Variants in RIN2 observed in about 807,000 individuals in gnomAD.
The protein encoded by RIN2 is Ras and Rab interactor 2, also known as RAB5 interacting protein 2.
A neutral mutation model predicts 78.0 loss-of-function variants in RIN2; 36 were observed. The observed-to-expected ratio is 0.46, with a 90% CI of 0.35 to 0.61. The LOEUF (loss-of-function observed/expected upper bound fraction) is 0.61, where lower values mean the gene tolerates loss of function less well. Ranked by LOEUF, RIN2 falls within the 20% of genes least tolerant of loss-of-function variation. RIN2 has a pLI of 0.00. For synonymous variants in RIN2, 466 were observed against 466.8 expected (o/e 1.00, Z 0.02); for missense variants, 1,087 against 1,159.7 (o/e 0.94, Z 0.91).
chr20:19,953,194 A>G (rs994861466), intron 4 of RIN2, among the ~76,000 whole-genome samples: 1 of 152,144 alleles, frequency 6.6e-6, no homozygotes, highest in African/African-American at 2.4e-5. Flanking sequence ...GCTACAGTAC[A>G]GTGGAAGGAT....
intron 2 of RIN2, among the ~76,000 whole-genome samples, chr20:19,868,388 C>T (rs1233381684): frequency 2.0e-5 from 3 of 152,204 alleles, no homozygotes; most frequent in Non-Finnish European, 4.4e-5. Context: ...CAGTAAAATA[C>T]CCAAAGGAAT....
intron 2 of RIN2, among the ~76,000 whole-genome samples, chr20:19,861,577 A>T (rs1600645101): frequency 6.6e-6 from 1 of 151,014 alleles, no homozygotes; most frequent in African/African-American, 2.4e-5. Context: ...ATATCTGATG[A>T]TCACCCTCCA....
chr20:19,979,594 T>C (rs999022121), intron 9 of RIN2, among the ~76,000 whole-genome samples: 8 of 152,112 alleles, frequency 5.3e-5, no homozygotes, highest in Non-Finnish European at 1.0e-4. Context: ...ACAACTACTC[T>C]GGTTCAGATC....
At chr20:19,833,435 C>T (rs1054896267) in intron 2 of RIN2, among the ~76,000 whole-genome samples, 10 of 152,120 alleles carry the variant, frequency 6.6e-5, no homozygotes, top group African/African-American at 2.2e-4. Flanking sequence ...CAACAGGACC[C>T]GGTATGTGTT....
chr20:19,844,642 CTT>C (rs1333914271), intron 2 of RIN2, among the ~76,000 whole-genome samples: 2 of 134,100 alleles, frequency 1.5e-5, no homozygotes, highest in East Asian at 2.2e-4. Context: ...TCTTCTTCTT[CTT>C]CTTCTTCTTC....
At chr20:19,960,479 C>G (rs528442971) in intron 5 of RIN2, among the ~76,000 whole-genome samples, 2 of 152,292 alleles carry the variant, frequency 1.3e-5, no homozygotes, top group South Asian at 4.1e-4. Context: ...GGAGAAGCTT[C>G]TGTCAGAGGG....
At chr20:19,858,540 T>C (rs999819300) in intron 2 of RIN2, among the ~76,000 whole-genome samples, 1 of 152,180 alleles carries the variant, frequency 6.6e-6, no homozygotes, top group Non-Finnish European at 1.5e-5. Flanking sequence ...AGCCCTGATC[T>C]ATTGCCTAGA....
At chr20:19,947,911 T>C (rs1327407064) in intron 4 of RIN2, among the ~76,000 whole-genome samples, 2 of 152,180 alleles carry the variant, frequency 1.3e-5, no homozygotes, top group Admixed American at 1.3e-4. Flanking sequence ...AGAGGAGAGT[T>C]CTCCATACCT....
intron 5 of RIN2, among the ~76,000 whole-genome samples, chr20:19,958,611 G>A (rs1374015154): frequency 6.6e-6 from 1 of 152,222 alleles, no homozygotes; most frequent in Non-Finnish European, 1.5e-5. Context: ...GCTCAGGCCT[G>A]TAATCCCAGC....
At chr20:19,821,790 T>A (rs1282320558) in intron 2 of RIN2, among the ~76,000 whole-genome samples, 1 of 152,202 alleles carries the variant, frequency 6.6e-6, no homozygotes, top group Non-Finnish European at 1.5e-5. Flanking sequence ...CCGTTTTCTG[T>A]TCCTATTGCA....
intron 3 of RIN2, among the ~76,000 whole-genome samples, chr20:19,914,183 T>C (rs2039587704): frequency 6.6e-6 from 1 of 152,222 alleles, no homozygotes; most frequent in African/African-American, 2.4e-5. Flanking sequence ...TACTACTGTC[T>C]TTAACCACTC....
intron 4 of RIN2, among the ~76,000 whole-genome samples, chr20:19,950,944 C>T (rs2041290220): frequency 6.7e-6 from 1 of 150,096 alleles, no homozygotes; most frequent in African/African-American, 2.5e-5. Context: ...CGCTGAAGTG[C>T]AGTGGTGCCA....
intron 4 of RIN2, among the ~76,000 whole-genome samples, chr20:19,946,124 C>A (rs1275182504): frequency 6.6e-6 from 1 of 152,146 alleles, no homozygotes; most frequent in African/African-American, 2.4e-5. Context: ...CTAAAGCAGA[C>A]CTTTTATTAA....
In RIN2 at chr20:19,941,107, C is replaced by G. The variant is rs560143565; in HGVS notation, c.158+5908C>G. Among the ~76,000 whole-genome samples the G allele has an allele frequency of 6.9e-4, 105 of 152,346 alleles. 3 individuals carry two copies. In the South Asian group the frequency reaches 0.018, roughly 26 times the overall value. On this transcript the variant is annotated intron_variant, in intron 4 of 12. Transcript: ENST00000255006. ...TCACTCCTCCTGCCCCACCACAGAA[C>G]CAGACATGACACAGGAAATTCAAAA...
At chr20:19,917,596 C>T (rs1017157589) in intron 3 of RIN2, among the ~76,000 whole-genome samples, 5 of 152,164 alleles carry the variant, frequency 3.3e-5, no homozygotes, top group African/African-American at 1.2e-4. Flanking sequence ...GTCTGTGATT[C>T]GACTATATTA....
At chr20:19,763,318 G>A (rs1433450197) in intron 1 of RIN2, among the ~76,000 whole-genome samples, 1 of 152,124 alleles carries the variant, frequency 6.6e-6, no homozygotes, top group Non-Finnish European at 1.5e-5. Context: ...AACCCGGGAG[G>A]CAGAGGTTGC....
At chr20:19,810,806 G>A (rs1224927207) in intron 2 of RIN2, among the ~76,000 whole-genome samples, 6 of 139,016 alleles carry the variant, frequency 4.3e-5, no homozygotes, top group African/African-American at 1.3e-4. Context: ...CCATTCTCCC[G>A]CCTCAGCCTC....
At chr20:19,853,344 C>T (rs1190074113) in intron 2 of RIN2, among the ~76,000 whole-genome samples, 5 of 152,056 alleles carry the variant, frequency 3.3e-5, no homozygotes, top group East Asian at 1.9e-4. Context: ...AATAAACATA[C>T]GTGTGCATGT....
intron 2 of RIN2, chr20:19,886,546 T>A: frequency 1.6e-6 from 1 of 616,630 alleles, no homozygotes; most frequent in Non-Finnish European, 2.9e-6. Context: ...TTGAAAGGGC[T>A]TGGCAGCTCC....
Sources: gnomAD v4.1 joint callset for allele counts (sites outside exome capture counted in the v4.1 genomes callset) on GRCh38, gnomAD v4.1.1 for gene constraint, MANE v1.5 for transcripts, NCBI Gene and HGNC (gene_info 2026-07-23, HGNC 2026-07-21) for gene names.